Variants in ELP4 observed in about 807,000 individuals in gnomAD.
ELP4 encodes elongator acetyltransferase complex subunit 4.
Under a neutral mutation model 48.9 loss-of-function variants are expected in ELP4, and 51 were observed. The observed-to-expected ratio is 1.04, with a 90% confidence interval of 0.83 to 1.32. The LOEUF is 1.32. ELP4 is among the 40% of genes most tolerant of loss of function. ELP4 has a pLI of 0.00. For missense variants in ELP4, 519 were observed against 514.6 expected, an observed-to-expected ratio of 1.01 and a Z score of -0.08; for synonymous variants, 210 against 189.2, an observed-to-expected ratio of 1.11 and a Z score of -0.90.
At chr11:31,586,182 A>G (rs576694770) in intron 3 of ELP4, among the ~76,000 whole-genome samples, 22 of 152,358 alleles carry the variant, frequency 1.4e-4, no homozygotes, top group African/African-American at 5.3e-4. Context: ...CTTCTGGGAA[A>G]ATACTCATCT....
intron 4 of ELP4, 108 bp from the exon 5 acceptor site, chr11:31,603,660 T>C: frequency 1.7e-6 from 2 of 1,167,864 alleles, no homozygotes; most frequent in Non-Finnish European, 2.4e-6. Flanking sequence ...CGTTCTTCCT[T>C]ATTAGCTTAA....
At chr11:31,566,215 G>C (rs950361873) in intron 3 of ELP4, among the ~76,000 whole-genome samples, 19 of 152,038 alleles carry the variant, frequency 1.2e-4, no homozygotes, top group African/African-American at 4.6e-4. Flanking sequence ...AAAAATAGCT[G>C]AGTGTGGCAG....
intron 5 of ELP4, among the ~76,000 whole-genome samples, chr11:31,625,590 A>G (rs913777252): frequency 2.0e-5 from 3 of 151,870 alleles, no homozygotes; most frequent in Non-Finnish European, 2.9e-5. Context: ...TTATTATTAT[A>G]TGAAATAATA....
At chr11:31,729,500 T>C (rs1037147726) in intron 9 of ELP4, among the ~76,000 whole-genome samples, 23 of 152,226 alleles carry the variant, frequency 1.5e-4, no homozygotes, top group Admixed American at 4.6e-4. Context: ...ACTGACATAC[T>C]AGAAATTAGA....
intron 6 of ELP4, among the ~76,000 whole-genome samples, chr11:31,630,878 GA>G (rs1944847349): frequency 6.6e-6 from 1 of 151,938 alleles, no homozygotes; most frequent in Admixed American, 6.6e-5. Flanking sequence ...CCAGGAGTTC[GA>G]GACTACCATA....
chr11:31,709,175 T>A (rs148346849), intron 9 of ELP4, among the ~76,000 whole-genome samples: 104 of 152,272 alleles, frequency 6.8e-4, no homozygotes, highest in African/African-American at 2.3e-3. Context: ...ATTGCTGGTA[T>A]GAGGTTTACC....
At chr11:31,755,229 A>G (rs985740957) in intron 9 of ELP4, among the ~76,000 whole-genome samples, 3 of 152,218 alleles carry the variant, frequency 2.0e-5, no homozygotes, top group Non-Finnish European at 4.4e-5. Context: ...ATACTATTGT[A>G]ATAAATAAAT....
At chr11:31,725,921 G>C (rs148590434) in intron 9 of ELP4, among the ~76,000 whole-genome samples, 1 of 152,138 alleles carries the variant, frequency 6.6e-6, no homozygotes, top group Admixed American at 6.5e-5. Context: ...TTGATGCAGC[G>C]TCAAGTTCTT....
intron 9 of ELP4, among the ~76,000 whole-genome samples, chr11:31,706,327 G>A (rs1348507752): frequency 6.6e-6 from 1 of 151,234 alleles, no homozygotes; most frequent in Non-Finnish European, 1.5e-5. Flanking sequence ...TCCTACAGTG[G>A]TATAGAGTAC....
intron 7 of ELP4, chr11:31,647,023 A>T (rs1945213742): frequency 6.6e-6 from 1 of 151,818 alleles, no homozygotes. Flanking sequence ...AAAATGTGAC[A>T]TTTATTAAAA....
intron 9 of ELP4, among the ~76,000 whole-genome samples, chr11:31,773,929 C>T (rs1010836882): frequency 1.3e-5 from 2 of 152,162 alleles, no homozygotes; most frequent in Non-Finnish European, 2.9e-5. Context: ...CCTGTAATCC[C>T]AGCTGCTCAG....
intron 5 of ELP4, among the ~76,000 whole-genome samples, chr11:31,609,642 C>T (rs1356110413): frequency 1.3e-5 from 2 of 152,042 alleles, no homozygotes; most frequent in Non-Finnish European, 2.9e-5. Flanking sequence ...TGGGTTGGTA[C>T]TCCCAAGGGG....
chr11:31,745,090 C>G (rs1270425358), intron 9 of ELP4, among the ~76,000 whole-genome samples: 3 of 152,176 alleles, frequency 2.0e-5, no homozygotes, highest in Non-Finnish European at 4.4e-5. Flanking sequence ...TTCTTATACA[C>G]CATTAACAGA....
intron 9 of ELP4, chr11:31,682,060 G>C: frequency 3.1e-6 from 4 of 1,295,852 alleles, no homozygotes; most frequent in African/African-American, 1.5e-5. Context: ...GTATTTCAAA[G>C]AGAACAAGTC....
intron 9 of ELP4, among the ~76,000 whole-genome samples, chr11:31,676,498 T>A (rs1187732842): frequency 6.6e-6 from 1 of 152,178 alleles, no homozygotes; most frequent in Admixed American, 6.5e-5. Flanking sequence ...TCCATTCTGT[T>A]TAGAACAGTA....
intron 9 of ELP4, among the ~76,000 whole-genome samples, chr11:31,772,763 A>T (rs1188406245): frequency 6.6e-6 from 1 of 152,224 alleles, no homozygotes; most frequent in Non-Finnish European, 1.5e-5. Context: ...TTTATATTCA[A>T]GGGTTCTGCT....
At chr11:31,751,219 G>T (rs1024898734) in intron 9 of ELP4, among the ~76,000 whole-genome samples, 6 of 152,216 alleles carry the variant, frequency 3.9e-5, no homozygotes, top group African/African-American at 1.4e-4. Flanking sequence ...AATTTGTAAA[G>T]CTGACTATGG....
At chr11:31,764,349 C>T (rs1050311064) in intron 9 of ELP4, among the ~76,000 whole-genome samples, 2 of 152,186 alleles carry the variant, frequency 1.3e-5, no homozygotes, top group Non-Finnish European at 2.9e-5. Flanking sequence ...TTACACCTCC[C>T]TTATTTAACA....
At chr11:31,545,960 G>T (rs1429423813) in intron 3 of ELP4, among the ~76,000 whole-genome samples, 1 of 151,950 alleles carries the variant, frequency 6.6e-6, no homozygotes, top group African/African-American at 2.4e-5. Context: ...CACCAGGCCT[G>T]CCCTAAAAGA....
Sources: gnomAD v4.1 joint callset for allele counts (sites outside exome capture counted in the v4.1 genomes callset) on GRCh38, gnomAD v4.1.1 for gene constraint, MANE v1.5 for transcripts, NCBI Gene and HGNC (gene_info 2026-07-23, HGNC 2026-07-21) for gene names.